Variants in KLHL5 observed in about 807,000 individuals in gnomAD.
KLHL5 encodes the protein kelch like family member 5.
A neutral mutation model predicts 77.7 loss-of-function variants in KLHL5; 48 were observed. That is an observed-to-expected ratio of 0.62 (90% CI 0.49 to 0.79). The LOEUF (loss-of-function observed/expected upper bound fraction) is 0.79, where lower values mean the gene tolerates loss of function less well. KLHL5 is among the 30% of genes least tolerant of loss of function. The probability of loss-of-function intolerance (pLI) is 0.00; values close to 1 mark genes in which losing one functional copy is unlikely to be tolerated. For synonymous variants in KLHL5, 260 were observed against 297.0 expected, an observed-to-expected ratio of 0.88 and a Z score of 1.28; for missense variants, 723 against 859.7, an observed-to-expected ratio of 0.84 and a Z score of 1.99.
At chr4:39,058,461 A>G (rs1043495022), upstream of KLHL5, among the ~76,000 whole-genome samples, 1 of 152,018 alleles carries the variant, frequency 6.6e-6, no homozygotes, top group Non-Finnish European at 1.5e-5. Context: ...CCCTGGCTCT[A>G]CAAAAATTAG....
the KLHL5 span, among the ~76,000 whole-genome samples, chr4:39,138,027 C>T: frequency 2.6e-5 from 4 of 152,202 alleles, no homozygotes; most frequent in East Asian, 7.7e-4. Flanking sequence ...CCATCTCACA[C>T]CACACTATTA....
intron 1 of KLHL5, among the ~76,000 whole-genome samples, chr4:39,068,420 C>T (rs1481396968): frequency 1.4e-5 from 2 of 144,146 alleles, no homozygotes; most frequent in African/African-American, 5.2e-5. Context: ...AGCTATGTAA[C>T]CTCTCCCCAG....
Position 39,123,596 on chromosome 4 carries a change from T to C in KLHL5, c.*2530T>C, listed in dbSNP as rs956654240. 6.6e-6 allele frequency among the ~76,000 whole-genome samples: 1 copy of C among 152,010 alleles called. No individual in the cohort carries two copies. Among genetic ancestry groups the C allele is most frequent in the Non-Finnish European group, 1.5e-5 (1 of 67,990 alleles). On this transcript the variant is annotated 3_prime_UTR_variant, in exon 11 of 11. Transcript: ENST00000504108. ...GTAATAATATACCATATTAATAGAA[T>C]GAAGGGGAAAAAACAGCATGATCAC...
chr4:39,123,103 C>A lies in KLHL5; in HGVS notation c.*2037C>A, dbSNP rs1256559794. On this transcript the variant is annotated 3_prime_UTR_variant, in exon 11 of 11. Transcript: ENST00000504108. ...CTATAAACAAATTTATTCATAGAAG[C>A]ATTGTTGCCAACAATTTAGATGACC... 6.6e-6 allele frequency among the ~76,000 whole-genome samples: 1 copy of A among 152,090 alleles called. No homozygotes were observed. The highest frequency in any genetic ancestry group is 1.5e-5 in the Non-Finnish European group (1 of 68,022).
At chr4:39,075,802 CATT>C (rs1259709489) in intron 1 of KLHL5, among the ~76,000 whole-genome samples, 160 bp from the exon 2 acceptor site, 1 of 152,162 alleles carries the variant, frequency 6.6e-6, no homozygotes. Flanking sequence ...CTTAAGGCAT[CATT>C]GATTTTTAAG....
chr4:39,054,754 T>G (rs114782044), intron 1 of KLHL5, among the ~76,000 whole-genome samples: 124 of 152,068 alleles, frequency 8.2e-4, no homozygotes, highest in African/African-American at 2.9e-3. Flanking sequence ...TGAACTGACT[T>G]ACAGCTCTAA....
Position 39,115,038 on chromosome 4 carries a change from G to T in KLHL5, c.1902-121G>T, listed in dbSNP as rs1243580932. 5.8e-6 allele frequency: 5 copies of T among 857,690 alleles called. No homozygotes were observed. The South Asian group carries it at 7.1e-5, about 12-fold the overall frequency. 53.1% of individuals were successfully genotyped at this position (857,690 alleles called of 1,614,324 possible). ...ATACTGATATTTTTCTCTAAAATATGTTCAAATGTATTTGATTACATAGTA... is the reference window on the plus strand; with the variant it reads ...ATACTGATATTTTTCTCTAAAATATTTTCAAATGTATTTGATTACATAGTA... On this transcript the variant is annotated intron_variant, in intron 9 of 10. Transcript: ENST00000504108.
At chr4:39,136,778 G>C in the KLHL5 span, among the ~76,000 whole-genome samples, 4 of 152,328 alleles carry the variant, frequency 2.6e-5, no homozygotes, top group South Asian at 8.3e-4. Flanking sequence ...CTGTCCAGGG[G>C]ACAGCCTGCA....
chr4:39,058,947 A>G (rs1004323762), upstream of KLHL5, among the ~76,000 whole-genome samples: 11 of 152,262 alleles, frequency 7.2e-5, no homozygotes, highest in South Asian at 1.2e-3. Flanking sequence ...GGTAACTGCT[A>G]TGAAAAAAAT....
downstream of KLHL5, among the ~76,000 whole-genome samples, chr4:39,126,517 C>CCACCCT (rs1723554785): frequency 6.6e-6 from 1 of 152,122 alleles, no homozygotes; most frequent in Admixed American, 6.5e-5. Context: ...GACTTCACTG[C>CCACCCT]CACCCTCATT....
At chr4:39,063,628 A>G (rs1717626234) in intron 1 of KLHL5, 1 of 430,032 alleles carries the variant, frequency 2.3e-6, no homozygotes, top group Admixed American at 2.4e-5. Context: ...GACAGCTACT[A>G]ATTCCTGTTA....
intron 2 of KLHL5, among the ~76,000 whole-genome samples, chr4:39,077,049 A>G (rs1436320877): frequency 6.6e-6 from 1 of 151,800 alleles, no homozygotes; most frequent in African/African-American, 2.4e-5. Context: ...AATATCCAGA[A>G]TCTACCAAAA....
intron 5 of KLHL5, among the ~76,000 whole-genome samples, chr4:39,087,917 A>G (rs1388017579): frequency 6.6e-6 from 1 of 152,206 alleles, no homozygotes; most frequent in Non-Finnish European, 1.5e-5. Context: ...TTACAGAGAC[A>G]GTAATCAATA....
intron 1 of KLHL5, chr4:39,063,626 C>T (rs965070187): frequency 1.9e-5 from 8 of 431,734 alleles, no homozygotes; most frequent in Non-Finnish European, 3.8e-5. Flanking sequence ...ATGACAGCTA[C>T]TAATTCCTGT....
At chr4:39,053,949 C>T (rs1716835990) in intron 1 of KLHL5, among the ~76,000 whole-genome samples, 1 of 152,186 alleles carries the variant, frequency 6.6e-6, no homozygotes, top group Non-Finnish European at 1.5e-5. Flanking sequence ...GGCACTTGTA[C>T]TTGGTGAATA....
chr4:39,100,210 A>T (rs2711996), intron 6 of KLHL5, among the ~76,000 whole-genome samples: 1,832 of 152,250 alleles, frequency 0.012, 40 homozygotes, highest in African/African-American at 0.041. Flanking sequence ...CTTCCCATCA[A>T]GGCTCATACA....
downstream of KLHL5, among the ~76,000 whole-genome samples, chr4:39,128,138 C>T (rs894397094): frequency 4.6e-5 from 7 of 152,184 alleles, no homozygotes; most frequent in Middle Eastern, 3.4e-3. Context: ...TTCCTTAAGG[C>T]CACATATGGC....
Position 39,107,595 on chromosome 4 carries a change from T to G in KLHL5, c.1552T>G (p.Tyr518Asp). Residue 518 changes from tyrosine (Y) to aspartate (D), a missense_variant, in exon 8 of 11, where the codon TAT becomes GAT. Tyr to Asp is a radical substitution (Grantham distance 160). Around this residue, in one of 3 missense-constraint regions of KLHL5, gnomAD observed 214 missense variants for 237.4 expected, o/e 0.90. Coordinates refer to ENST00000504108, the MANE Select transcript of KLHL5 (RefSeq NM_015990.5). ...TGTGGCTGTACTGGAAGGTCCCATG[T>G]ATGCCGTAGGAGGACATGATGGCTG... is the stretch of plus-strand genomic sequence containing the variant. ...LGVAVLEGPM[Y>D]AVGGHDGWSY... 1 of 1,612,242 alleles carries G rather than the reference T, an allele frequency of 6.2e-7. No homozygotes were observed. The highest frequency in any genetic ancestry group is 8.5e-7 in the Non-Finnish European group (1 of 1,178,686).
chr4:39,096,548 G>A, intron 5 of KLHL5, 144 bp from the exon 6 acceptor site: 1 of 586,102 alleles, frequency 1.7e-6, no homozygotes, highest in Non-Finnish European at 3.0e-6. Flanking sequence ...TCTTGTAAAT[G>A]TTGCATATTT....
Sources: gnomAD v4.1 joint callset for allele counts (sites outside exome capture counted in the v4.1 genomes callset) on GRCh38, gnomAD v4.1.1 for gene constraint, gnomAD v4.1.1 regional missense constraint, MANE v1.5 for transcripts, NCBI Gene and HGNC (gene_info 2026-07-23, HGNC 2026-07-21) for gene names.